GRHL2: variants seen among roughly 807,000 people sequenced by gnomAD.
GRHL2 encodes the protein grainyhead-like protein 2 homolog.
A neutral mutation model predicts 83.8 loss-of-function variants in GRHL2; 21 were observed. The observed-to-expected ratio is 0.25, with a 90% CI of 0.18 to 0.36. GRHL2 has a LOEUF of 0.36. Ranked by LOEUF, GRHL2 falls within the 10% of genes least tolerant of loss-of-function variation. The pLI, the probability that GRHL2 is intolerant of heterozygous loss-of-function variation, is 1.00. For missense variants in GRHL2, 623 were observed against 781.8 expected (o/e 0.80, Z 2.42); for synonymous variants, 280 against 278.9 (o/e 1.00, Z -0.04).
At chr8:101,590,583 G>C (rs1227674558) in intron 7 of GRHL2, among the ~76,000 whole-genome samples, 1 of 152,158 alleles carries the variant, frequency 6.6e-6, no homozygotes, top group Non-Finnish European at 1.5e-5. Context: ...GAAATTTCAA[G>C]TTTAGAGAAG....
intron 1 of GRHL2, among the ~76,000 whole-genome samples, chr8:101,523,429 C>CCCGT: frequency 6.6e-6 from 1 of 152,090 alleles, no homozygotes; most frequent in African/African-American, 2.4e-5. Context: ...CCCACTACCA[C>CCCGT]CCGTCCCAGC....
In GRHL2 at chr8:101,666,733, GCT is replaced by G; in HGVS notation, c.*34_*35del. Reference sequence around the variant, plus strand: ...GGGTTTGGCATCCGCTTTGGCTGGAGCTCTCAGTGCGTTCCTCCCTGAGAGAG... The same window carrying G: ...GGGTTTGGCATCCGCTTTGGCTGGAGCTCAGTGCGTTCCTCCCTGAGAGAG... On this transcript the variant is annotated 3_prime_UTR_variant, in exon 16 of 16. Transcript: ENST00000646743. The G allele has an allele frequency of 7.6e-7, 1 of 1,323,080 alleles. No individual in the cohort carries two copies. Among genetic ancestry groups the G allele is most frequent in the Non-Finnish European group, 1.1e-6 (1 of 915,010 alleles). 82.0% of individuals were successfully genotyped at this position (1,323,080 alleles called of 1,614,324 possible).
intron 1 of GRHL2, among the ~76,000 whole-genome samples, chr8:101,534,674 G>C (rs905665717): frequency 6.6e-6 from 1 of 151,892 alleles, no homozygotes; most frequent in Non-Finnish European, 1.5e-5. Flanking sequence ...CTTGGACCAG[G>C]GTGCTAGCAG....
At chr8:101,656,748 T>G (rs1642624981) in intron 14 of GRHL2, among the ~76,000 whole-genome samples, 1 of 152,168 alleles carries the variant, frequency 6.6e-6, no homozygotes, top group African/African-American at 2.4e-5. Flanking sequence ...AGGATTGTTG[T>G]GAGGATAAAT....
At chr8:101,599,759 C>T (rs1042653817) in intron 8 of GRHL2, among the ~76,000 whole-genome samples, 1 of 152,176 alleles carries the variant, frequency 6.6e-6, no homozygotes, top group Non-Finnish European at 1.5e-5. Flanking sequence ...TGAGAAGAGA[C>T]GTCCACCATT....
Position 101,666,823 on chromosome 8 carries a change from G to A in GRHL2, c.*120G>A, listed in dbSNP as rs774505996. 50 of 731,734 alleles carry A rather than the reference G, an allele frequency of 6.8e-5. No individual in the cohort carries two copies. Among genetic ancestry groups the A allele is most frequent in the Non-Finnish European group, 1.2e-4 (48 of 401,264 alleles). 45.3% of individuals were successfully genotyped at this position (731,734 alleles called of 1,614,324 possible). On this transcript the variant is annotated 3_prime_UTR_variant, in exon 16 of 16. Transcript: ENST00000646743. ...CCCCATCTCACAACTGCTGTTACAA[G>A]ACCGTGCTGGGGAGTGGGGCAAGGG...
At chr8:101,643,369 CAAAAAAAAAAAA>C (rs56301334) in intron 12 of GRHL2, among the ~76,000 whole-genome samples, 2 of 96,986 alleles carry the variant, frequency 2.1e-5, no homozygotes, top group South Asian at 8.8e-4. Context: ...CTGTTTCTCT[CAAAAAAAAAAAA>C]AAAAAAAAAA....
intron 6 of GRHL2, 24 bp from the exon 7 acceptor site, chr8:101,577,384 G>T: frequency 6.7e-7 from 1 of 1,489,956 alleles, no homozygotes. Flanking sequence ...CAAAAAGTAA[G>T]CTCCACGATT....
rs754764383 is a variant in GRHL2, at chr8:101,669,339, G to GTGTT, written c.*2642_*2645dup. 6.4e-5 allele frequency: 9 copies of GTGTT among 141,160 alleles called. No individual in the cohort carries two copies. The highest frequency in any genetic ancestry group is 1.2e-4 in the Non-Finnish European group (8 of 66,016). 8.7% of individuals were successfully genotyped at this position (141,160 alleles called of 1,614,324 possible). On this transcript the variant is annotated 3_prime_UTR_variant, in exon 16 of 16. Transcript: ENST00000646743. ...CAAATTGTTTAAACTTACTTTATGA[G>GTGTT]TGTTTGTTTAGAAGTTCGGACCAAC...
At chr8:101,606,357 T>C (rs1456601748) in intron 8 of GRHL2, among the ~76,000 whole-genome samples, 2 of 152,210 alleles carry the variant, frequency 1.3e-5, no homozygotes, top group African/African-American at 4.8e-5. Flanking sequence ...ATATTTCCTC[T>C]GGGCCCTATT....
intron 8 of GRHL2, among the ~76,000 whole-genome samples, chr8:101,611,624 A>G (rs201581279): frequency 1.3e-5 from 2 of 150,574 alleles, no homozygotes; most frequent in East Asian, 1.9e-4. Flanking sequence ...GATGCTCTCT[A>G]CTACTGAACA....
At chr8:101,606,979 G>A (rs181560897) in intron 8 of GRHL2, among the ~76,000 whole-genome samples, 32 of 152,308 alleles carry the variant, frequency 2.1e-4, no homozygotes, top group Non-Finnish European at 1.0e-4. Context: ...CTTCTCATAC[G>A]CTGCAAATTA....
intron 8 of GRHL2, among the ~76,000 whole-genome samples, chr8:101,599,619 G>A (rs1175373985): frequency 6.6e-6 from 1 of 152,214 alleles, no homozygotes. Context: ...CTCTACTGAT[G>A]GAGGTGTGGT....
rs78929517 is a variant in GRHL2 at position 101,540,890 on chromosome 8, A to G, written c.21-2351A>G. ...GTTTTTGGTTACGTGGATGCATTGT[A>G]TAGTGATGAAGTCTAGGCTTTTAAT... On this transcript the variant is annotated intron_variant, in intron 1 of 15. Transcript: ENST00000646743. Among the ~76,000 whole-genome samples the G allele has an allele frequency of 8.0e-3, 1,214 of 152,058 alleles. 16 individuals carry two copies. Among genetic ancestry groups the G allele is most frequent in the African/African-American group, 0.028 (1,153 of 41,446 alleles).
chr8:101,555,741 A>G (rs1460891301), intron 3 of GRHL2, among the ~76,000 whole-genome samples: 1 of 152,230 alleles, frequency 6.6e-6, no homozygotes, highest in East Asian at 1.9e-4. Flanking sequence ...ATTATTTTCT[A>G]GACTTATTTC....
intron 1 of GRHL2, among the ~76,000 whole-genome samples, chr8:101,515,126 AAG>A (rs1310526242): frequency 1.3e-5 from 2 of 148,754 alleles, no homozygotes; most frequent in African/African-American, 2.5e-5. Context: ...TGAAGTAGGA[AAG>A]AGAGAATAGA....
At position 101,666,642 on chromosome 8, in the gene GRHL2, C is replaced by T. The variant is rs1157282204; in HGVS notation, c.1817C>T (p.Thr606Ile). 2 of 1,613,794 alleles carry T rather than the reference C, an allele frequency of 1.2e-6. No homozygotes were observed. The highest frequency in any genetic ancestry group is 1.7e-6 in the Non-Finnish European group (2 of 1,179,684). ...NIIEHYSNED[T>I]FILNMESMVE... ...ATCGAGCACTACTCGAACGAGGACA[C>T]CTTCATCCTCAACATGGAGAGCATG... Residue 606 changes from threonine to isoleucine, a missense_variant, in exon 16 of 16, where the codon ACC becomes ATC. Thr to Ile is a moderately conservative substitution (Grantham distance 89). Transcript: ENST00000646743.
At chr8:101,656,980 G>T (rs976036669) in intron 14 of GRHL2, among the ~76,000 whole-genome samples, 4 of 152,060 alleles carry the variant, frequency 2.6e-5, no homozygotes, top group Non-Finnish European at 5.9e-5. Flanking sequence ...TAGAGAAAGG[G>T]ATAGGGATGT....
At chr8:101,552,662 A>G (rs1225893613) in intron 2 of GRHL2, 53 bp from the exon 3 acceptor site, 1 of 1,544,574 alleles carries the variant, frequency 6.5e-7, no homozygotes, top group Non-Finnish European at 9.0e-7. Flanking sequence ...AGCTCTGAAC[A>G]TGGTCATGGT....
Sources: allele counts gnomAD v4.1 joint callset (sites outside exome capture counted in the v4.1 genomes callset), GRCh38; gene constraint gnomAD v4.1.1; transcripts MANE v1.5; gene names NCBI Gene and HGNC (gene_info 2026-07-23, HGNC 2026-07-21).